The following AP1S3 variants were observed in gnomAD, a reference collection of about 807,000 sequenced individuals.
The protein encoded by AP1S3 is adaptor related protein complex 1 subunit sigma 3.
Under a neutral mutation model 20.9 loss-of-function variants are expected in AP1S3, and 10 were observed. The observed-to-expected ratio is 0.48, with a 90% CI of 0.29 to 0.81. The LOEUF (loss-of-function observed/expected upper bound fraction) is 0.81. AP1S3 is among the 30% of genes least tolerant of loss of function. The probability of loss-of-function intolerance (pLI) is 0.08; values close to 1 mark genes in which losing one functional copy is unlikely to be tolerated. For missense variants in AP1S3, 154 were observed against 183.8 expected, an observed-to-expected ratio of 0.84 and a Z score of 0.94; for synonymous variants, 41 against 61.5, an observed-to-expected ratio of 0.67 and a Z score of 1.56.
chr2:223,791,258 G>A (rs1691211458), intron 1 of AP1S3, among the ~76,000 whole-genome samples: 1 of 152,184 alleles, frequency 6.6e-6, no homozygotes, highest in Non-Finnish European at 1.5e-5. Flanking sequence ...CAATATCCTC[G>A]ATGAACATCG....
chr2:223,755,889 CTA>C lies in AP1S3; in HGVS notation c.*2824_*2825del, dbSNP rs1690201683. 2.0e-6 allele frequency: 2 copies of C among 985,274 alleles called. No individual in the cohort carries two copies. The highest frequency in any genetic ancestry group is 3.5e-5 in the African/African-American group (2 of 57,232). The allele number at this position is 985,274 out of a possible 1,614,324, so 61.0% of individuals were successfully genotyped here. Reference sequence around the variant, plus strand: ...GAAGTCTGAGAAGCCCTGTCCATAACTAAAGTGTCTAATATGGAATTATCCAG... The same window carrying C: ...GAAGTCTGAGAAGCCCTGTCCATAACAAGTGTCTAATATGGAATTATCCAG... On this transcript the variant is annotated 3_prime_UTR_variant, in exon 5 of 5. Coordinates refer to ENST00000396654, the MANE Select transcript of AP1S3 (RefSeq NM_001039569.2).
Position 223,757,014 on chromosome 2 carries a change from G to A in AP1S3, c.*1701C>T, listed in dbSNP as rs963459261. The A allele has an allele frequency of 7.2e-6, 7 of 970,122 alleles. No individual in the cohort carries two copies. The African/African-American group carries it at 9.2e-5, about 13-fold the overall frequency. The allele number at this position is 970,122 out of a possible 1,614,324, so 60.1% of individuals were successfully genotyped here. A position where few individuals can be genotyped will look rare whatever the true frequency, so the allele number is the denominator to read the frequency against. On this transcript the variant is annotated 3_prime_UTR_variant, in exon 5 of 5. Transcript: ENST00000396654. Reference sequence around the variant, plus strand: ...TTTTTTTTTTTTTTTTTCTTGAGACGCAGTCTTGCTCTGTCACCCGCCTGG... The same window carrying A: ...TTTTTTTTTTTTTTTTTCTTGAGACACAGTCTTGCTCTGTCACCCGCCTGG...
rs939444014 is a variant in AP1S3 at position 223,756,039 on chromosome 2, T to C, written c.*2676A>G. On this transcript the variant is annotated 3_prime_UTR_variant, in exon 5 of 5. Transcript: ENST00000396654. ...TGAGGTCCATCTTTACAAAATTGTA[T>C]TGAAAAATAAAGAATTTGGCCGGGT... 1 of 985,434 alleles carries C rather than the reference T, an allele frequency of 1.0e-6. No homozygotes were observed. Among genetic ancestry groups the C allele is most frequent in the Non-Finnish European group, 1.2e-6 (1 of 829,938 alleles). 61.0% of individuals were successfully genotyped at this position (985,434 alleles called of 1,614,324 possible). A position where few individuals can be genotyped will look rare whatever the true frequency, so the allele number is the denominator to read the frequency against.
chr2:223,792,167 C>G (rs1365585474), intron 1 of AP1S3, among the ~76,000 whole-genome samples: 1 of 152,030 alleles, frequency 6.6e-6, no homozygotes, highest in Non-Finnish European at 1.5e-5. Context: ...TCATATGGAA[C>G]CAGAAAAGAG....
At chr2:223,785,274 G>C (rs57247807) in intron 1 of AP1S3, among the ~76,000 whole-genome samples, 1 of 152,078 alleles carries the variant, frequency 6.6e-6, no homozygotes, top group African/African-American at 2.4e-5. Context: ...CCCAGGAGGT[G>C]GAGGCTGCAG....
rs1291315229 is a variant in AP1S3, at chr2:223,773,435, T to C, written c.291+2466A>G. On this transcript the variant is annotated intron_variant, in intron 3 of 4. Coordinates refer to ENST00000396654, the MANE Select transcript of AP1S3 (RefSeq NM_001039569.2). ...GTATTAAATAATATGTTTGAAAACA[T>C]GTTATTATACATTTGCAAATTTCTC... is the stretch of plus-strand genomic sequence containing the variant. The C allele has an allele frequency of 2.4e-6, 3 of 1,241,588 alleles. No individual in the cohort carries two copies. In the African/African-American group the frequency reaches 4.7e-5, roughly 20 times the overall value. 76.9% of individuals were successfully genotyped at this position (1,241,588 alleles called of 1,614,324 possible). A position where few individuals can be genotyped will look rare whatever the true frequency, so the allele number is the denominator to read the frequency against.
intron 1 of AP1S3, among the ~76,000 whole-genome samples, chr2:223,823,851 G>A (rs530755746): frequency 1.1e-4 from 16 of 152,092 alleles, no homozygotes; most frequent in Non-Finnish European, 1.9e-4. Flanking sequence ...CTTGTTGTAC[G>A]GTGTAAATTT....
chr2:223,773,850 A>G (rs545193035), intron 3 of AP1S3, among the ~76,000 whole-genome samples: 53 of 152,344 alleles, frequency 3.5e-4, no homozygotes, highest in Middle Eastern at 6.8e-3. Flanking sequence ...TCCAAATCCA[A>G]TGATTTATTT....
In AP1S3 at chr2:223,756,853, C is replaced by G; in HGVS notation, c.*1862G>C. ...TAAAGAATCCAACAGGAAACACACT[C>G]TTCTAGGAAATCACTGGAGGTCCCA... On this transcript the variant is annotated 3_prime_UTR_variant, in exon 5 of 5. Transcript: ENST00000396654. 16 of 985,384 alleles carry G rather than the reference C, an allele frequency of 1.6e-5. No homozygotes were observed. Among genetic ancestry groups the G allele is most frequent in the Non-Finnish European group, 1.9e-5 (16 of 829,928 alleles). The allele number at this position is 985,384 out of a possible 1,614,324, so 61.0% of individuals were successfully genotyped here.
chr2:223,817,806 C>T (rs1255725867), intron 1 of AP1S3, among the ~76,000 whole-genome samples: 1 of 151,872 alleles, frequency 6.6e-6, no homozygotes, highest in African/African-American at 2.4e-5. Flanking sequence ...ATTCTAAGCT[C>T]TCCCAAGAAA....
intron 1 of AP1S3, among the ~76,000 whole-genome samples, chr2:223,791,575 C>T (rs927939126): frequency 6.6e-6 from 1 of 152,218 alleles, no homozygotes; most frequent in Non-Finnish European, 1.5e-5. Flanking sequence ...CAGCCAATAT[C>T]ATGCTGAATG....
At chr2:223,806,090 C>T (rs1377069379) in intron 1 of AP1S3, among the ~76,000 whole-genome samples, 1 of 152,098 alleles carries the variant, frequency 6.6e-6, no homozygotes, top group African/African-American at 2.4e-5. Flanking sequence ...AAACTGCATA[C>T]CTCTCTGGCA....
At chr2:223,830,392 T>C (rs1692230612) in intron 1 of AP1S3, among the ~76,000 whole-genome samples, 1 of 150,720 alleles carries the variant, frequency 6.6e-6, no homozygotes, top group Non-Finnish European at 1.5e-5. Context: ...GGCAGGAGAA[T>C]TGCTTGAACC....
At chr2:223,799,224 C>T (rs1574711225) in intron 1 of AP1S3, among the ~76,000 whole-genome samples, 1 of 55,674 alleles carries the variant, frequency 1.8e-5, no homozygotes, top group African/African-American at 6.9e-5. Context: ...CACACACACA[C>T]ACACACACAC....
intron 1 of AP1S3, among the ~76,000 whole-genome samples, chr2:223,780,074 A>T (rs1574697440): frequency 6.6e-6 from 1 of 151,782 alleles, no homozygotes; most frequent in South Asian, 2.1e-4. Context: ...GTCCAATGAA[A>T]CCATGCTTTT....
intron 1 of AP1S3, among the ~76,000 whole-genome samples, chr2:223,824,320 GAT>G (rs1692065355): frequency 6.6e-6 from 1 of 151,834 alleles, no homozygotes; most frequent in African/African-American, 2.4e-5. Context: ...GTTTTTTAAA[GAT>G]ACACAAAAAT....
chr2:223,789,674 C>CAAAA lies in AP1S3; in HGVS notation c.4-11809_4-11806dup, dbSNP rs536845135. On this transcript the variant is annotated intron_variant, in intron 1 of 4. Transcript: ENST00000396654. ...GGGTCAACATGACAAAACCCTGTCT[C>CAAAA]AAAAAAAAAAAAAAAAAGCCAGGCG... Among the ~76,000 whole-genome samples the CAAAA allele has an allele frequency of 2.4e-3, 217 of 89,144 alleles. 1 individual carries two copies. Among genetic ancestry groups the CAAAA allele is most frequent in the East Asian group, 0.015 (48 of 3,310 alleles). The allele number at this position is 89,144 out of a possible 152,430, so 58.5% of individuals were successfully genotyped here. A position where few individuals can be genotyped will look rare whatever the true frequency, so the allele number is the denominator to read the frequency against.
Position 223,770,064 on chromosome 2 carries a change from C to T in AP1S3, c.292-4714G>A, listed in dbSNP as rs986262201. ...CGGCCGCGATCCTATTTTTAAAAAC[C>T]GTATATGTTTAGAGGGACATGTAAA... On this transcript the variant is annotated intron_variant, in intron 3 of 4. Coordinates refer to ENST00000396654, the MANE Select transcript of AP1S3 (RefSeq NM_001039569.2). 2.0e-5 allele frequency: 28 copies of T among 1,374,334 alleles called. 1 individual carries two copies. Among genetic ancestry groups the T allele is most frequent in the African/African-American group, 1.3e-4 (9 of 67,988 alleles). 85.1% of individuals were successfully genotyped at this position (1,374,334 alleles called of 1,614,324 possible).
In AP1S3 at chr2:223,756,376, A is replaced by AGGAG. The variant is rs1330421082; in HGVS notation, c.*2335_*2338dup. 9.0e-6 allele frequency: 3 copies of AGGAG among 333,774 alleles called. No individual in the cohort carries two copies. Among genetic ancestry groups the AGGAG allele is most frequent in the African/African-American group, 2.3e-5 (1 of 43,194 alleles). 20.7% of individuals were successfully genotyped at this position (333,774 alleles called of 1,614,324 possible). On this transcript the variant is annotated 3_prime_UTR_variant, in exon 5 of 5. Transcript: ENST00000396654. ...AGAAAAGAGAAAAAGAAAGAAAGAA[A>AGGAG]GGAGGGAGGGAGGAAGGGAAGGAAG...
Sources: gnomAD v4.1 joint callset for allele counts (sites outside exome capture counted in the v4.1 genomes callset) on GRCh38, gnomAD v4.1.1 for gene constraint, MANE v1.5 for transcripts, NCBI Gene and HGNC (gene_info 2026-07-23, HGNC 2026-07-21) for gene names.